Variants in DRC11 observed in about 807,000 individuals in gnomAD.
DRC11 encodes the protein dynein regulatory complex subunit 11, also known as IQ and AAA domain-containing protein 1.
At chr2:236,355,350 C>G in the DRC11 span, among the ~76,000 whole-genome samples, 1 of 152,240 alleles carries the variant, frequency 6.6e-6, no homozygotes, top group Non-Finnish European at 1.5e-5. Context: ...TCTGCACTTT[C>G]TCCTCCCTTT....
chr2:236,372,215 T>C, the DRC11 span, among the ~76,000 whole-genome samples: 4 of 152,222 alleles, frequency 2.6e-5, no homozygotes, highest in Non-Finnish European at 5.9e-5. The surrounding 1 kb of genome is among the most constrained non-coding windows in gnomAD (Gnocchi z 4.5). Context: ...ATTCTATCTA[T>C]AGCATTCTGT....
the DRC11 span, among the ~76,000 whole-genome samples, chr2:236,459,683 A>G: frequency 4.8e-5 from 7 of 147,000 alleles, no homozygotes; most frequent in Admixed American, 4.8e-4. Flanking sequence ...GTATATATGT[A>G]TATACATATA....
At chr2:236,496,923 ACAGC>A in the DRC11 span, among the ~76,000 whole-genome samples, 1 of 152,190 alleles carries the variant, frequency 6.6e-6, no homozygotes, top group East Asian at 1.9e-4. This position sits in a 1 kb window ranked among gnomAD's most constrained non-coding sequence, Gnocchi z 6.3. Flanking sequence ...AGGTAAGACC[ACAGC>A]CACGACAGTG....
the DRC11 span, among the ~76,000 whole-genome samples, chr2:236,352,564 A>C: frequency 6.6e-6 from 1 of 152,170 alleles, no homozygotes; most frequent in African/African-American, 2.4e-5. This position sits in a 1 kb window ranked among gnomAD's most constrained non-coding sequence, Gnocchi z 7.0. Flanking sequence ...GAGTTTGTGG[A>C]AAAGCAGTGT....
chr2:236,436,791 C>G, the DRC11 span, among the ~76,000 whole-genome samples: 3 of 152,102 alleles, frequency 2.0e-5, no homozygotes, highest in African/African-American at 7.2e-5. Context: ...TGCATGGTAC[C>G]TGGCACAGAA....
chr2:236,501,541 A>C, the DRC11 span, among the ~76,000 whole-genome samples: 1 of 152,148 alleles, frequency 6.6e-6, no homozygotes, highest in East Asian at 1.9e-4. Flanking sequence ...GGAAGAAGCA[A>C]AGATGATTGA....
the DRC11 span, among the ~76,000 whole-genome samples, chr2:236,313,029 C>A: frequency 2.0e-5 from 3 of 151,968 alleles, no homozygotes; most frequent in Non-Finnish European, 2.9e-5. The surrounding 1 kb of genome is among the most constrained non-coding windows in gnomAD (Gnocchi z 4.5). Flanking sequence ...GTCTTAAATG[C>A]ATTAAGAAAT....
chr2:236,442,631 C>T, the DRC11 span, among the ~76,000 whole-genome samples: 33 of 152,138 alleles, frequency 2.2e-4, no homozygotes, highest in Admixed American at 1.6e-3. Context: ...CCTCAGGTCT[C>T]GGTCACTGGA....
At chr2:236,338,422 A>T in the DRC11 span, 1 of 1,547,272 alleles carries the variant, frequency 6.5e-7, no homozygotes, top group Non-Finnish European at 8.8e-7. Flanking sequence ...ATATAGAAAA[A>T]AAGAATGAAA....
the DRC11 span, chr2:236,344,496 T>C: frequency 3.3e-6 from 4 of 1,196,770 alleles, no homozygotes; most frequent in South Asian, 2.6e-5. Flanking sequence ...GAGGTAGGCC[T>C]TGGTAAGGGC....
chr2:236,422,631 G>T, the DRC11 span, among the ~76,000 whole-genome samples: 3 of 152,170 alleles, frequency 2.0e-5, no homozygotes, highest in African/African-American at 7.2e-5. Flanking sequence ...ACTGCCCAAG[G>T]TAATTTATAG....
At chr2:236,416,741 A>ATATATTTT in the DRC11 span, among the ~76,000 whole-genome samples, 27 of 55,950 alleles carry the variant, frequency 4.8e-4, no homozygotes, top group Non-Finnish European at 9.5e-4. Context: ...ATATATATAT[A>ATATATTTT]TATATATATA....
chr2:236,390,058 T>C, the DRC11 span, among the ~76,000 whole-genome samples: 6 of 152,216 alleles, frequency 3.9e-5, no homozygotes, highest in African/African-American at 1.4e-4. This position sits in a 1 kb window ranked among gnomAD's most constrained non-coding sequence, Gnocchi z 5.9. Flanking sequence ...GATACATTCA[T>C]TACTGAGAGT....
chr2:236,412,853 T>C, the DRC11 span: 1 of 152,288 alleles, frequency 6.6e-6, no homozygotes, highest in Non-Finnish European at 1.5e-5. Flanking sequence ...CGATCAGAGT[T>C]TGGGTCACTC....
chr2:236,411,587 A>C, the DRC11 span, among the ~76,000 whole-genome samples: 1 of 152,024 alleles, frequency 6.6e-6, no homozygotes, highest in Non-Finnish European at 1.5e-5. Context: ...CTATAAAGAC[A>C]CATGCACATG....
chr2:236,442,638 T>C, the DRC11 span, among the ~76,000 whole-genome samples: 1 of 152,222 alleles, frequency 6.6e-6, no homozygotes, highest in Non-Finnish European at 1.5e-5. Flanking sequence ...TCTCGGTCAC[T>C]GGAAAACGAT....
At chr2:236,499,292 A>G in the DRC11 span, among the ~76,000 whole-genome samples, 1 of 152,190 alleles carries the variant, frequency 6.6e-6, no homozygotes, top group African/African-American at 2.4e-5. The surrounding 1 kb of genome is among the most constrained non-coding windows in gnomAD (Gnocchi z 4.7). Flanking sequence ...GCCCTGTCCC[A>G]GAAGAACCAG....
chr2:236,470,685 T>A, the DRC11 span, among the ~76,000 whole-genome samples: 3 of 152,218 alleles, frequency 2.0e-5, no homozygotes, highest in Non-Finnish European at 4.4e-5. This position sits in a 1 kb window ranked among gnomAD's most constrained non-coding sequence, Gnocchi z 5.1. Flanking sequence ...TTATACAATA[T>A]ACCTACTCAT....
At chr2:236,393,447 A>G in the DRC11 span, among the ~76,000 whole-genome samples, 1 of 152,094 alleles carries the variant, frequency 6.6e-6, no homozygotes, top group African/African-American at 2.4e-5. The surrounding 1 kb of genome is among the most constrained non-coding windows in gnomAD (Gnocchi z 4.7). Flanking sequence ...CCGAGAAGGG[A>G]GAGGGTGGTG....
Sources: allele counts gnomAD v4.1 joint callset (sites outside exome capture counted in the v4.1 genomes callset), GRCh38; gene constraint gnomAD v4.1.1; non-coding constraint Gnocchi (gnomAD v3.1); transcripts MANE v1.5; gene names NCBI Gene and HGNC (gene_info 2026-07-23, HGNC 2026-07-21).